The following ATG7 variants were observed in gnomAD, a reference collection of about 807,000 sequenced individuals.
ATG7 encodes the protein autophagy related 7.
A neutral mutation model predicts 82.4 loss-of-function variants in ATG7; 70 were observed. The observed-to-expected ratio is 0.85, with a 90% CI of 0.70 to 1.04. The LOEUF is 1.04. ATG7 is among the 50% of genes least tolerant of loss of function. The probability of loss-of-function intolerance (pLI) is 0.00; values close to 1 mark genes in which losing one functional copy is unlikely to be tolerated. For missense variants in ATG7, 792 were observed against 864.3 expected, an observed-to-expected ratio of 0.92 and a Z score of 1.05; for synonymous variants, 287 against 313.0, an observed-to-expected ratio of 0.92 and a Z score of 0.88.
chr3:11,445,166 C>G (rs969121653), intron 20 of ATG7, among the ~76,000 whole-genome samples: 2 of 152,150 alleles, frequency 1.3e-5, no homozygotes, highest in Non-Finnish European at 2.9e-5. Context: ...GACCTATAAA[C>G]AGAAATACCA....
intron 18 of ATG7, among the ~76,000 whole-genome samples, chr3:11,375,195 A>G (rs1420003156): frequency 6.6e-6 from 1 of 152,188 alleles, no homozygotes; most frequent in Non-Finnish European, 1.5e-5. Flanking sequence ...AGAACAGAGC[A>G]AGACACTCTA....
chr3:11,365,142 A>G (rs2076516202), intron 18 of ATG7, among the ~76,000 whole-genome samples: 2 of 152,354 alleles, frequency 1.3e-5, no homozygotes, highest in Non-Finnish European at 2.9e-5. Context: ...TAATGCTGAC[A>G]TCACCTGGTA....
chr3:11,562,752 G>A, the ATG7 span, among the ~76,000 whole-genome samples: 8 of 152,274 alleles, frequency 5.3e-5, no homozygotes, highest in Admixed American at 1.3e-4. Context: ...AACCCCAGCC[G>A]AAAATGACAG....
intron 5 of ATG7, among the ~76,000 whole-genome samples, chr3:11,304,917 A>C (rs1430653052): frequency 6.6e-6 from 1 of 152,152 alleles, no homozygotes; most frequent in African/African-American, 2.4e-5. Flanking sequence ...GGTTTTTAGT[A>C]GATTCATAGA....
intron 19 of ATG7, among the ~76,000 whole-genome samples, chr3:11,421,079 A>G (rs2081904761): frequency 6.6e-6 from 1 of 152,088 alleles, no homozygotes; most frequent in Non-Finnish European, 1.5e-5. Context: ...TTTTGCTAAA[A>G]AATGCTAACA....
intron 15 of ATG7, 92 bp downstream of exon 15, chr3:11,358,704 A>G (rs2076094281): frequency 7.2e-7 from 1 of 1,395,374 alleles, no homozygotes; most frequent in African/African-American, 1.4e-5. Flanking sequence ...CAGGGCAGAG[A>G]TGTGGTTTGT....
chr3:11,510,059 C>A (rs1042029080), intron 20 of ATG7: 48 of 342,926 alleles, frequency 1.4e-4, no homozygotes, highest in South Asian at 1.0e-3. Flanking sequence ...CTAGGGAGAT[C>A]CTTTCTTTAT....
chr3:11,478,267 G>C (rs1334318698), intron 20 of ATG7, among the ~76,000 whole-genome samples: 1 of 152,170 alleles, frequency 6.6e-6, no homozygotes, highest in Non-Finnish European at 1.5e-5. Context: ...TGTTTTCCCA[G>C]AATGAATCTC....
intron 20 of ATG7, among the ~76,000 whole-genome samples, chr3:11,506,554 CAAAAA>C (rs754696496): frequency 1.2e-4 from 3 of 24,920 alleles, no homozygotes; most frequent in African/African-American, 5.1e-4. Flanking sequence ...CCCATCTCTA[CAAAAA>C]AAAAAAAAAA....
At chr3:11,547,690 CT>C (rs1323344071) in intron 20 of ATG7, among the ~76,000 whole-genome samples, 1 of 152,182 alleles carries the variant, frequency 6.6e-6, no homozygotes, top group African/African-American at 2.4e-5. Flanking sequence ...TTACTATGAT[CT>C]GGCTTTTTCA....
chr3:11,544,168 G>A (rs1244887131), intron 20 of ATG7, among the ~76,000 whole-genome samples: 2 of 152,222 alleles, frequency 1.3e-5, no homozygotes, highest in Non-Finnish European at 2.9e-5. Flanking sequence ...CATTGTGAGA[G>A]TAGGCAGGGC....
chr3:11,424,921 A>G (rs1007081004), intron 19 of ATG7, among the ~76,000 whole-genome samples: 8 of 152,196 alleles, frequency 5.3e-5, no homozygotes, highest in African/African-American at 1.7e-4. Flanking sequence ...TTGGAAAACA[A>G]TTTGTGTCAG....
At chr3:11,379,177 A>G (rs2077682331) in intron 18 of ATG7, among the ~76,000 whole-genome samples, 2 of 152,286 alleles carry the variant, frequency 1.3e-5, no homozygotes, top group South Asian at 2.1e-4. Flanking sequence ...AAATTAATTC[A>G]TAATATTTGT....
chr3:11,415,236 G>C (rs1273855185), intron 19 of ATG7, among the ~76,000 whole-genome samples: 1 of 152,162 alleles, frequency 6.6e-6, no homozygotes, highest in Non-Finnish European at 1.5e-5. Context: ...TGGTACACCT[G>C]TGCAGAATAC....
At chr3:11,411,619 C>CAAAAAAAAAA (rs71055868) in intron 19 of ATG7, among the ~76,000 whole-genome samples, 777 of 71,662 alleles carry the variant, frequency 0.011, 65 homozygotes, top group Middle Eastern at 0.019. Context: ...ACTCTGTCTC[C>CAAAAAAAAAA]AAAAAAAAAA....
At chr3:11,507,133 T>G (rs2091776017) in intron 20 of ATG7, among the ~76,000 whole-genome samples, 1 of 151,864 alleles carries the variant, frequency 6.6e-6, no homozygotes, top group African/African-American at 2.4e-5. Flanking sequence ...AATACAAAAA[T>G]TAGCCAGGTG....
At chr3:11,468,550 T>G (rs2087072556) in intron 20 of ATG7, among the ~76,000 whole-genome samples, 1 of 152,208 alleles carries the variant, frequency 6.6e-6, no homozygotes, top group Non-Finnish European at 1.5e-5. Context: ...GGCTCTGGAT[T>G]TCACATCATT....
At chr3:11,558,978 G>A (rs2072705390), downstream of ATG7, 1 of 968,190 alleles carries the variant, frequency 1.0e-6, no homozygotes, top group Non-Finnish European at 1.5e-6. Flanking sequence ...CCCCGGCTAA[G>A]TCAGGCACTT....
intron 20 of ATG7, among the ~76,000 whole-genome samples, chr3:11,492,624 G>C (rs961421174): frequency 7.9e-5 from 12 of 152,070 alleles, no homozygotes; most frequent in African/African-American, 2.7e-4. Context: ...CTGCTGCTTC[G>C]GGCACTGGCA....
Sources: allele counts gnomAD v4.1 joint callset (sites outside exome capture counted in the v4.1 genomes callset), GRCh38; gene constraint gnomAD v4.1.1; transcripts MANE v1.5; gene names NCBI Gene and HGNC (gene_info 2026-07-23, HGNC 2026-07-21).